SHC3: variants seen among roughly 807,000 people sequenced by gnomAD.
SHC3 encodes SHC-transforming protein 3.
SHC3 carries 15 observed loss-of-function variants against 60.4 expected under a neutral mutation model. The ratio of observed to expected loss-of-function variants is 0.25; its 90% CI spans 0.17 to 0.38. SHC3 has a LOEUF of 0.38. SHC3 is among the 10% of genes least tolerant of loss of function. SHC3 has a pLI of 1.00. For synonymous variants in SHC3, 294 were observed against 325.9 expected, an observed-to-expected ratio of 0.90 and a Z score of 1.05; for missense variants, 677 against 786.1, an observed-to-expected ratio of 0.86 and a Z score of 1.66.
At chr9:89,132,526 T>G (rs1826262376) in intron 1 of SHC3, among the ~76,000 whole-genome samples, 1 of 152,224 alleles carries the variant, frequency 6.6e-6, no homozygotes, top group Non-Finnish European at 1.5e-5. Context: ...AAGGCTACAG[T>G]AACCAAAACA....
chr9:89,101,330 G>C (rs1825779770), intron 2 of SHC3, among the ~76,000 whole-genome samples: 1 of 151,944 alleles, frequency 6.6e-6, no homozygotes, highest in Admixed American at 6.6e-5. Flanking sequence ...TTTCTATGTA[G>C]ATGTCCATGT....
chr9:89,047,077 A>T (rs1824787439), intron 7 of SHC3, 83 bp from the exon 8 acceptor site: 1 of 1,411,994 alleles, frequency 7.1e-7, no homozygotes, highest in Non-Finnish European at 9.3e-7. Context: ...AGCGCCTGTT[A>T]TTAAGAAAAG....
At chr9:89,086,249 A>T (rs145975359) in intron 2 of SHC3, among the ~76,000 whole-genome samples, 206 of 152,252 alleles carry the variant, frequency 1.4e-3, no homozygotes, top group African/African-American at 4.8e-3. Context: ...ACTGTGCCCC[A>T]CTTCCGATGC....
At chr9:89,063,443 T>G (rs1825125170) in intron 6 of SHC3, among the ~76,000 whole-genome samples, 1 of 152,156 alleles carries the variant, frequency 6.6e-6, no homozygotes, top group South Asian at 2.1e-4. Flanking sequence ...CTGTGACTAG[T>G]AAATCTATGG....
chr9:89,156,276 C>A (rs765827172), intron 1 of SHC3, among the ~76,000 whole-genome samples: 2 of 152,176 alleles, frequency 1.3e-5, no homozygotes, highest in Non-Finnish European at 2.9e-5. Flanking sequence ...ATACCACCTG[C>A]CAGTCATAGG....
chr9:89,152,237 C>T (rs1352556074), intron 1 of SHC3, among the ~76,000 whole-genome samples: 1 of 152,186 alleles, frequency 6.6e-6, no homozygotes, highest in Non-Finnish European at 1.5e-5. Context: ...ATCCACAGTC[C>T]TGTGAATTGG....
chr9:89,090,660 T>G (rs973572413), intron 2 of SHC3, among the ~76,000 whole-genome samples: 2 of 152,022 alleles, frequency 1.3e-5, no homozygotes, highest in African/African-American at 4.8e-5. Flanking sequence ...GTTGAGCCCA[T>G]GCGGATTGGG....
Position 89,065,530 on chromosome 9 carries a change from T to C in SHC3, c.834A>G (p.Arg278=). The change falls in exon 6 of 12, where the codon AGA becomes AGG. Residue 278 remains arginine, a splice_region_variant and synonymous_variant. Coordinates refer to ENST00000375835, the MANE Select transcript of SHC3 (RefSeq NM_016848.6). ...TTAAAGGGGTCAAGCACCGCTTACC[T>C]CTGCGATTAACAGGGTCCTTAGCCA... ...AYVAKDPVNR[R]ACHILECCDG... is the part of the protein sequence containing the mutation. 6.2e-7 allele frequency: 1 copy of C among 1,614,164 alleles called. No homozygotes were observed. The highest frequency in any genetic ancestry group is 8.5e-7 in the Non-Finnish European group (1 of 1,180,020).
At position 89,115,604 on chromosome 9, in the gene SHC3, T is replaced by C. The variant is rs963701607; in HGVS notation, c.475-2978A>G. On this transcript the variant is annotated intron_variant, in intron 1 of 11. Coordinates refer to ENST00000375835, the MANE Select transcript of SHC3 (RefSeq NM_016848.6). The stretch of plus-strand genomic sequence containing the variant: ...CCAATGCATAATTATGTTAACACCA[T>C]GATGAATCTCAGTTCTGTGAATACC... Among the ~76,000 whole-genome samples the C allele has an allele frequency of 4.6e-5, 7 of 152,264 alleles. No individual in the cohort carries two copies. In the East Asian group the frequency reaches 1.2e-3, roughly 25 times the overall value.
At chr9:89,082,913 C>T (rs1278944092) in intron 2 of SHC3, among the ~76,000 whole-genome samples, 1 of 152,224 alleles carries the variant, frequency 6.6e-6, no homozygotes, top group Admixed American at 6.5e-5. Flanking sequence ...ATAGATACCA[C>T]ACCCAATTGT....
intron 1 of SHC3, among the ~76,000 whole-genome samples, chr9:89,171,824 T>C (rs1345865598): frequency 6.6e-6 from 1 of 152,186 alleles, no homozygotes; most frequent in Non-Finnish European, 1.5e-5. Flanking sequence ...GGCTCATGGC[T>C]AGAAACCCAA....
intron 1 of SHC3, among the ~76,000 whole-genome samples, chr9:89,123,020 C>T (rs1258338347): frequency 6.6e-6 from 1 of 152,218 alleles, no homozygotes; most frequent in African/African-American, 2.4e-5. Context: ...GGATTGCTAA[C>T]TAGTCCCAGG....
At chr9:89,160,859 C>A (rs970183473) in intron 1 of SHC3, among the ~76,000 whole-genome samples, 2 of 152,176 alleles carry the variant, frequency 1.3e-5, no homozygotes, top group Non-Finnish European at 2.9e-5. Context: ...ATACATAGTT[C>A]ATGGAAGGAA....
intron 2 of SHC3, among the ~76,000 whole-genome samples, chr9:89,098,873 G>A (rs562543160): frequency 3.3e-5 from 5 of 152,196 alleles, no homozygotes; most frequent in African/African-American, 1.2e-4. Context: ...TCGGGAGGCT[G>A]AGGCAGAAGA....
At chr9:89,022,181 G>T (rs773053264) in intron 11 of SHC3, among the ~76,000 whole-genome samples, 3 of 152,106 alleles carry the variant, frequency 2.0e-5, no homozygotes, top group Admixed American at 6.5e-5. Context: ...ACCCAGGGCA[G>T]GAACCTGAAG....
At chr9:89,035,854 T>TATATATATATATA (rs1376173933) in intron 11 of SHC3, among the ~76,000 whole-genome samples, 46 of 73,828 alleles carry the variant, frequency 6.2e-4, no homozygotes, top group Non-Finnish European at 1.1e-3. Flanking sequence ...TATATAGATG[T>TATATATATATATA]GTGTGTGTGT....
chr9:89,114,141 G>A (rs1484431031), intron 1 of SHC3, among the ~76,000 whole-genome samples: 3 of 152,042 alleles, frequency 2.0e-5, no homozygotes, highest in African/African-American at 4.8e-5. Context: ...GTGGGAATAC[G>A]GGAATACCAC....
chr9:89,147,335 AATAAAC>A (rs1826483049), intron 1 of SHC3, among the ~76,000 whole-genome samples: 1 of 152,142 alleles, frequency 6.6e-6, no homozygotes, highest in Non-Finnish European at 1.5e-5. Flanking sequence ...GAAAGTAGGT[AATAAAC>A]ATGAATAAAT....
chr9:89,099,533 G>C (rs773767755), intron 2 of SHC3, among the ~76,000 whole-genome samples: 2 of 152,136 alleles, frequency 1.3e-5, no homozygotes, highest in Admixed American at 1.3e-4. Context: ...ACCCTATCCT[G>C]CAAGCTTTAA....
Sources: allele counts gnomAD v4.1 joint callset (sites outside exome capture counted in the v4.1 genomes callset), GRCh38; gene constraint gnomAD v4.1.1; transcripts MANE v1.5; gene names NCBI Gene and HGNC (gene_info 2026-07-23, HGNC 2026-07-21).